The following PCCA variants were observed in gnomAD, a reference collection of about 807,000 sequenced individuals.
The protein encoded by PCCA is propionyl-CoA carboxylase alpha chain, mitochondrial.
Under a neutral mutation model 101.3 loss-of-function variants are expected in PCCA, and 74 were observed. The observed-to-expected ratio is 0.73, with a 90% CI of 0.61 to 0.89. The LOEUF is 0.89. Ranked by LOEUF, PCCA falls within the 40% of genes least tolerant of loss-of-function variation. The pLI is 0.00. For synonymous variants in PCCA, 294 were observed against 313.6 expected, an observed-to-expected ratio of 0.94 and a Z score of 0.66; for missense variants, 891 against 907.0, an observed-to-expected ratio of 0.98 and a Z score of 0.23.
At chr13:100,503,516 A>G (rs748885322) in intron 21 of PCCA, among the ~76,000 whole-genome samples, 2 of 152,106 alleles carry the variant, frequency 1.3e-5, no homozygotes, top group Non-Finnish European at 2.9e-5. Flanking sequence ...TTATAATAAA[A>G]TAAAGTTTTT....
At chr13:100,389,009 G>C (rs1029149268) in intron 19 of PCCA, among the ~76,000 whole-genome samples, 2 of 152,158 alleles carry the variant, frequency 1.3e-5, no homozygotes, top group Non-Finnish European at 2.9e-5. Flanking sequence ...TACCTTTTAT[G>C]ACATAGGTCC....
chr13:100,499,888 G>T (rs759264421), intron 21 of PCCA, among the ~76,000 whole-genome samples: 3 of 149,076 alleles, frequency 2.0e-5, no homozygotes, highest in Non-Finnish European at 4.5e-5. Flanking sequence ...TTTTTTGGAG[G>T]TGCTAGCATT....
intron 16 of PCCA, among the ~76,000 whole-genome samples, chr13:100,315,683 T>G (rs1225528277): frequency 1.3e-5 from 2 of 152,146 alleles, no homozygotes; most frequent in African/African-American, 4.8e-5. Flanking sequence ...GGGCAGTGTT[T>G]TGGAACCAGC....
At chr13:100,126,509 A>G (rs1223697997) in intron 4 of PCCA, among the ~76,000 whole-genome samples, 1 of 151,846 alleles carries the variant, frequency 6.6e-6, no homozygotes, top group African/African-American at 2.4e-5. Flanking sequence ...CTTTTCCACC[A>G]TCAAAATGCT....
At chr13:100,370,454 T>G (rs2075506894) in intron 19 of PCCA, among the ~76,000 whole-genome samples, 1 of 152,224 alleles carries the variant, frequency 6.6e-6, no homozygotes, top group African/African-American at 2.4e-5. Flanking sequence ...TTCAAATTTT[T>G]TTCTGTAGAA....
At chr13:100,244,405 T>C (rs1417435146) in intron 8 of PCCA, among the ~76,000 whole-genome samples, 1 of 152,210 alleles carries the variant, frequency 6.6e-6, no homozygotes, top group Non-Finnish European at 1.5e-5. Context: ...TAAGCATAAT[T>C]TCACAAGTTC....
chr13:100,242,315 A>G (rs1258099948), intron 8 of PCCA, among the ~76,000 whole-genome samples: 1 of 152,212 alleles, frequency 6.6e-6, no homozygotes, highest in Non-Finnish European at 1.5e-5. Context: ...ATTCTAAGAG[A>G]CAAAGAAGGG....
intron 19 of PCCA, among the ~76,000 whole-genome samples, chr13:100,387,307 C>T (rs141924927): frequency 2.5e-4 from 38 of 152,316 alleles, no homozygotes; most frequent in African/African-American, 7.9e-4. Context: ...GTTTCCCCTT[C>T]TGTAGGTGTA....
At chr13:100,303,729 C>T (rs2066247258) in intron 14 of PCCA, among the ~76,000 whole-genome samples, 1 of 151,956 alleles carries the variant, frequency 6.6e-6, no homozygotes, top group African/African-American at 2.4e-5. Context: ...TGAAAGATTA[C>T]AGGAAGAATT....
chr13:100,497,506 A>G (rs1482142590), intron 21 of PCCA, among the ~76,000 whole-genome samples: 1 of 150,370 alleles, frequency 6.7e-6, no homozygotes, highest in East Asian at 1.9e-4. Flanking sequence ...GTACTGACTT[A>G]CCAAGGCTTG....
At chr13:100,458,894 A>G (rs2081986625) in intron 21 of PCCA, among the ~76,000 whole-genome samples, 1 of 152,174 alleles carries the variant, frequency 6.6e-6, no homozygotes. Flanking sequence ...CCTAGGGCTG[A>G]TGCAACAGAT....
At chr13:100,296,156 G>A (rs1452893176) in intron 12 of PCCA, among the ~76,000 whole-genome samples, 1 of 152,104 alleles carries the variant, frequency 6.6e-6, no homozygotes, top group Non-Finnish European at 1.5e-5. Context: ...TGTTGGTCAA[G>A]TCAGATGTCT....
rs57271389 is a variant in PCCA at position 100,252,313 on chromosome 13, A to G, written c.638-5282A>G. Among the ~76,000 whole-genome samples the G allele has an allele frequency of 4.5e-3, 684 of 152,320 alleles. 3 individuals are homozygous for G. The highest frequency in any genetic ancestry group is 0.015 in the African/African-American group (606 of 41,570). Reference sequence around the variant, plus strand: ...AATTATAGGTGTTTTGCAATTGGTTATTTAAAGAAGATCCCCATTCCCCAT... The same window carrying G: ...AATTATAGGTGTTTTGCAATTGGTTGTTTAAAGAAGATCCCCATTCCCCAT... On this transcript the variant is annotated intron_variant, in intron 8 of 23. Transcript: ENST00000376285.
At chr13:100,286,051 C>G (rs1237732771) in intron 12 of PCCA, among the ~76,000 whole-genome samples, 2 of 152,134 alleles carry the variant, frequency 1.3e-5, no homozygotes, top group Non-Finnish European at 2.9e-5. Flanking sequence ...TCTGAGCTTT[C>G]CTTTCCAGAT....
chr13:100,427,263 A>T (rs774026278), intron 20 of PCCA, among the ~76,000 whole-genome samples: 1 of 152,210 alleles, frequency 6.6e-6, no homozygotes, highest in Admixed American at 6.5e-5. Context: ...TGGTTTTGTT[A>T]TACTGGTTTA....
chr13:100,264,157 A>ATGGTATCTGTATATCGTATATATG (rs2062765334), intron 10 of PCCA, among the ~76,000 whole-genome samples: 2 of 69,840 alleles, frequency 2.9e-5, no homozygotes, highest in South Asian at 3.6e-4. Flanking sequence ...TCGTATATAT[A>ATGGTATCTGTATATCGTATATATG]TGGTATCTGT....
At chr13:100,376,731 C>T (rs1463617179) in intron 19 of PCCA, among the ~76,000 whole-genome samples, 1 of 152,208 alleles carries the variant, frequency 6.6e-6, no homozygotes, top group African/African-American at 2.4e-5. Context: ...TGGATCTTAG[C>T]TTGCTGGGCT....
chr13:100,449,670 T>C (rs1027066039), intron 21 of PCCA, among the ~76,000 whole-genome samples: 1 of 152,132 alleles, frequency 6.6e-6, no homozygotes, highest in Non-Finnish European at 1.5e-5. Context: ...TGTGTTTTTT[T>C]CTAAAGATGA....
chr13:100,445,071 G>A (rs966222793), intron 20 of PCCA, among the ~76,000 whole-genome samples: 4 of 152,140 alleles, frequency 2.6e-5, no homozygotes, highest in African/African-American at 9.7e-5. Flanking sequence ...TTTATTCATG[G>A]TAGAAGGCAA....
Sources: allele counts gnomAD v4.1 joint callset (sites outside exome capture counted in the v4.1 genomes callset), GRCh38; gene constraint gnomAD v4.1.1; transcripts MANE v1.5; gene names NCBI Gene and HGNC (gene_info 2026-07-23, HGNC 2026-07-21).